Variants in ITGA5 observed in about 807,000 individuals in gnomAD.
ITGA5 encodes integrin subunit alpha 5.
Under a neutral mutation model 146.3 loss-of-function variants are expected in ITGA5, and 55 were observed. The ratio of observed to expected loss-of-function variants is 0.38; its 90% CI spans 0.30 to 0.47. ITGA5 has a LOEUF of 0.47. Among genes scored for constraint, ITGA5 ranks in the 20% least tolerant of loss-of-function variants. The pLI is 0.99. For synonymous variants in ITGA5, 500 were observed against 531.8 expected (o/e 0.94, Z 0.82); for missense variants, 1,131 against 1,329.0 (o/e 0.85, Z 2.32).
Position 54,401,593 on chromosome 12 carries a change from G to T in ITGA5, c.2379C>A (p.Thr793=), listed in dbSNP as rs1412184376. 6.2e-7 allele frequency: 1 copy of T among 1,614,134 alleles called. No homozygotes were observed. The highest frequency in any genetic ancestry group is 8.5e-7 in the Non-Finnish European group (1 of 1,179,990). ...RLSVEAQAQV[T]LNGVSKPEAV... Reference sequence around the variant, plus strand: ...TTTTGCCTGGCACTGACCCGTTCAGGGTGACCTGGGCCTGAGCCTCCACGG... The same window carrying T: ...TTTTGCCTGGCACTGACCCGTTCAGTGTGACCTGGGCCTGAGCCTCCACGG... The change falls in exon 23 of 30, where the codon ACC becomes ACA. Residue 793 remains threonine, a synonymous_variant. Coordinates refer to ENST00000293379, the MANE Select transcript of ITGA5 (RefSeq NM_002205.5). The surrounding 1 kb of genome is among the most constrained non-coding windows in gnomAD (Gnocchi z 5.0).
chr12:54,404,097 G>T, intron 15 of ITGA5, 48 bp downstream of exon 15: 1 of 1,564,648 alleles, frequency 6.4e-7, no homozygotes, highest in Non-Finnish European at 8.7e-7. Flanking sequence ...TGGTGCCCCT[G>T]CCCACTCCCA....
chr12:54,404,645 A>AG (rs1013356909), intron 13 of ITGA5, 58 bp downstream of exon 13: 5 of 1,521,844 alleles, frequency 3.3e-6, no homozygotes, highest in Middle Eastern at 3.5e-4. Flanking sequence ...CAGAAGAGAG[A>AG]GTAGGGGTCA....
At chr12:54,405,493 G>T in intron 11 of ITGA5, 119 bp from the exon 12 acceptor site, 2 of 1,011,820 alleles carry the variant, frequency 2.0e-6, no homozygotes, top group Non-Finnish European at 2.9e-6. Flanking sequence ...TGAGGTCTCT[G>T]ATCATCAGCT....
rs12426629 is a variant in ITGA5 at position 54,403,787 on chromosome 12, C to A, written c.1622-8G>T. 1.9e-6 allele frequency: 3 copies of A among 1,613,594 alleles called. No homozygotes were observed. The South Asian group carries it at 3.3e-5, about 18-fold the overall frequency. ...GAAGTTCCACTGTGAAACCTGAAGCCAGGGACATATAAAGGGAAACTGCCT... is the reference window on the plus strand; with the variant it reads ...GAAGTTCCACTGTGAAACCTGAAGCAAGGGACATATAAAGGGAAACTGCCT... On this transcript the variant is annotated splice_region_variant and splice_polypyrimidine_tract_variant and intron_variant, in intron 16 of 29. Transcript: ENST00000293379. This position sits in a 1 kb window ranked among gnomAD's most constrained non-coding sequence, Gnocchi z 4.9.
At chr12:54,410,345 T>C (rs1476191939) in intron 2 of ITGA5, among the ~76,000 whole-genome samples, 7 of 79,760 alleles carry the variant, frequency 8.8e-5, no homozygotes, top group African/African-American at 2.8e-4. Flanking sequence ...TTGTTCCACC[T>C]CCTTTTTTTT....
chr12:54,397,963 T>A (rs1955733774), intron 28 of ITGA5, among the ~76,000 whole-genome samples: 1 of 151,704 alleles, frequency 6.6e-6, no homozygotes. Context: ...AGTGGTGTGA[T>A]CTCAGCTTAC....
Position 54,411,971 on chromosome 12 carries a change from G to A in ITGA5, c.219-7C>T, listed in dbSNP as rs570226621. On this transcript the variant is annotated splice_polypyrimidine_tract_variant and splice_region_variant and intron_variant, in intron 1 of 29. Transcript: ENST00000293379. ...TCCCACCAGCACACTGACCCTGTGG[G>A]GGGGAAAAGCGAGGCAGTTGAGGAT... 1 of 1,564,836 alleles carries A rather than the reference G, an allele frequency of 6.4e-7. No individual in the cohort carries two copies. The highest frequency in any genetic ancestry group is 1.4e-5 in the African/African-American group (1 of 72,730).
At position 54,408,228 on chromosome 12, in the gene ITGA5, G is replaced by A. The variant is rs568420607; in HGVS notation, c.699C>T (p.Ile233=). 5 of 1,614,120 alleles carry A rather than the reference G, an allele frequency of 3.1e-6. No individual in the cohort carries two copies. The highest frequency in any genetic ancestry group is 4.2e-6 in the Non-Finnish European group (5 of 1,180,020). The change falls in exon 7 of 30, where the codon ATC becomes ATT. Residue 233 remains isoleucine, a synonymous_variant. Transcript: ENST00000293379. ...CAATCTGCTCCTGAGTGGCAGACAG[G>A]ATCTGGCCTGGAGAGAGTATGAAGA... is the stretch of plus-strand genomic sequence containing the variant. ...GPGSYFWQGQ[I]LSATQEQIAE...
intron 15 of ITGA5, 81 bp from the exon 16 acceptor site, chr12:54,404,047 A>T: frequency 6.4e-7 from 1 of 1,568,216 alleles, no homozygotes; most frequent in Non-Finnish European, 8.8e-7. Context: ...AGCCAGACCC[A>T]GACTAGGACA....
chr12:54,403,426 T>C lies in ITGA5; in HGVS notation c.1777-102A>G. 1 of 1,379,994 alleles carries C rather than the reference T, an allele frequency of 7.2e-7. No homozygotes were observed. The highest frequency in any genetic ancestry group is 9.8e-7 in the Non-Finnish European group (1 of 1,020,324). The allele number at this position is 1,379,994 out of a possible 1,614,324, so 85.5% of individuals were successfully genotyped here. On this transcript the variant is annotated intron_variant, in intron 17 of 29. Transcript: ENST00000293379. The surrounding 1 kb of genome is among the most constrained non-coding windows in gnomAD (Gnocchi z 4.9). ...CTCCCTTTGTCTGCTTAGGGCCCAATTCCGACCATCCTCATTGTTTCAGAG... is the reference window on the plus strand; with the variant it reads ...CTCCCTTTGTCTGCTTAGGGCCCAACTCCGACCATCCTCATTGTTTCAGAG...
chr12:54,419,189 G>C lies in ITGA5; in HGVS notation c.10C>G (p.Arg4Gly). ...GCGTGGAGAGGGGACTCTGGCGTCC[G>C]GCTCCCCATAGCGCCCGCTCTTCCC... MGS[R>G]TPESPLHAVQ... The change falls in exon 1 of 30, where the codon CGG becomes GGG. Residue 4 changes from arginine to glycine, a missense_variant. Around this residue, in one of 3 missense-constraint regions of ITGA5, gnomAD observed 175 missense variants for 179.3 expected, o/e 0.98. Transcript: ENST00000293379. 2 of 1,562,304 alleles carry C rather than the reference G, an allele frequency of 1.3e-6. No individual in the cohort carries two copies. Among genetic ancestry groups the C allele is most frequent in the Non-Finnish European group, 1.7e-6 (2 of 1,154,694 alleles).
Position 54,408,136 on chromosome 12 carries a change from C to A in ITGA5, c.791G>T (p.Ser264Ile), listed in dbSNP as rs746631100. The change falls in exon 7 of 30, where the codon AGT becomes ATT. Residue 264 changes from serine to isoleucine, a missense_variant. Coordinates refer to ENST00000293379, the MANE Select transcript of ITGA5 (RefSeq NM_002205.5). ...TAGGTAGCTGTCATCATAGATGGAA[C>A]TGGCCTGGCGAGTCTGCAGCTGCCC... is the stretch of plus-strand genomic sequence containing the variant. ...VQGQLQTRQA[S>I]SIYDDSYLGY... 16 of 1,614,172 alleles carry A rather than the reference C, an allele frequency of 9.9e-6. No individual in the cohort carries two copies. Among genetic ancestry groups the A allele is most frequent in the Non-Finnish European group, 1.3e-5 (15 of 1,180,034 alleles).
intron 27 of ITGA5, among the ~76,000 whole-genome samples, chr12:54,399,163 T>A (rs1053817278): frequency 6.6e-6 from 1 of 152,150 alleles, no homozygotes. Context: ...CTTCTCTTGA[T>A]GTTCCTTATA....
chr12:54,408,847 C>G (rs563955322), intron 5 of ITGA5, 46 bp from the exon 6 acceptor site: 3 of 1,613,452 alleles, frequency 1.9e-6, no homozygotes, highest in Admixed American at 1.7e-5. Context: ...CCAATCCCCC[C>G]ATGTCCACCA....
At chr12:54,407,173 T>C (rs1374967446) in intron 9 of ITGA5, among the ~76,000 whole-genome samples, 2 of 152,250 alleles carry the variant, frequency 1.3e-5, no homozygotes, top group African/African-American at 4.8e-5. Context: ...TTATCTAACA[T>C]ACTTGATTAG....
At chr12:54,418,835 C>A in intron 1 of ITGA5, 146 bp downstream of exon 1, 1 of 1,008,078 alleles carries the variant, frequency 9.9e-7, no homozygotes, top group African/African-American at 1.7e-5. Flanking sequence ...GGGCCCCCAA[C>A]TCTAGCCAGG....
At chr12:54,405,474 CA>C in intron 11 of ITGA5, 100 bp from the exon 12 acceptor site, 1 of 1,108,006 alleles carries the variant, frequency 9.0e-7, no homozygotes, top group Non-Finnish European at 1.3e-6. Flanking sequence ...TCCATCACGT[CA>C]GAAGACCTGA....
chr12:54,400,057 G>T, intron 25 of ITGA5, 110 bp from the exon 26 acceptor site: 1 of 765,826 alleles, frequency 1.3e-6, no homozygotes, highest in South Asian at 1.5e-5. Flanking sequence ...TCTCTTTATT[G>T]ATTCATCCAA....
intron 12 of ITGA5, 43 bp from the exon 13 acceptor site, chr12:54,404,937 C>A: frequency 6.8e-7 from 1 of 1,468,054 alleles, no homozygotes; most frequent in South Asian, 1.4e-5. Flanking sequence ...GCCAGGAATC[C>A]ATGGGCTCTA....
Sources: gnomAD v4.1 joint callset for allele counts (sites outside exome capture counted in the v4.1 genomes callset) on GRCh38, gnomAD v4.1.1 for gene constraint, gnomAD v4.1.1 regional missense constraint, Gnocchi (gnomAD v3.1) non-coding constraint, MANE v1.5 for transcripts, NCBI Gene and HGNC (gene_info 2026-07-23, HGNC 2026-07-21) for gene names.